The following AFAP1 variants were observed in gnomAD, a reference collection of about 807,000 sequenced individuals.
The protein encoded by AFAP1 is actin filament associated protein 1.
A neutral mutation model predicts 93.9 loss-of-function variants in AFAP1; 75 were observed. That is an observed-to-expected ratio of 0.80 (90% confidence interval 0.66 to 0.97). The LOEUF (loss-of-function observed/expected upper bound fraction) is 0.97. Among genes scored for constraint, AFAP1 ranks in the 50% least tolerant of loss-of-function variants. AFAP1 has a pLI of 0.00. For missense variants in AFAP1, 1,201 were observed against 1,050.8 expected (o/e 1.14, Z -1.98); for synonymous variants, 517 against 430.7 (o/e 1.20, Z -2.48).
In AFAP1 at chr4:7,855,587, G is replaced by A; in HGVS notation, c.226-13C>T. On this transcript the variant is annotated splice_polypyrimidine_tract_variant and intron_variant, in intron 3 of 17. Transcript: ENST00000420658. Reference sequence around the variant, plus strand: ...CACTGTCAGGAGGCTGAGGAAGAAAGGAAAAGTGACACAGAAATTAGCATG... The same window carrying A: ...CACTGTCAGGAGGCTGAGGAAGAAAAGAAAAGTGACACAGAAATTAGCATG... 1 of 1,586,862 alleles carries A rather than the reference G, an allele frequency of 6.3e-7. No individual in the cohort carries two copies. The highest frequency in any genetic ancestry group is 8.7e-7 in the Non-Finnish European group (1 of 1,155,434).
intron 1 of AFAP1, among the ~76,000 whole-genome samples, chr4:7,933,450 G>C (rs1246258062): frequency 6.6e-6 from 1 of 152,166 alleles, no homozygotes; most frequent in Non-Finnish European, 1.5e-5. Context: ...GCAAGCACCT[G>C]TAATCCCAGC....
In AFAP1 at chr4:7,921,315, C is replaced by T. The variant is rs909964078; in HGVS notation, c.-3+18341G>A. ...TCTCCTGCCTCAGCCTCCTGGGTAGCTGGGATTACAGGCGCCCGCCACCAC... is the reference window on the plus strand; with the variant it reads ...TCTCCTGCCTCAGCCTCCTGGGTAGTTGGGATTACAGGCGCCCGCCACCAC... On this transcript the variant is annotated intron_variant, in intron 1 of 17. Transcript: ENST00000420658. Among the ~76,000 whole-genome samples the T allele has an allele frequency of 6.0e-5, 9 of 149,994 alleles. No individual in the cohort carries two copies. The East Asian group carries it at 1.8e-3, about 30-fold the overall frequency.
At chr4:7,845,957 T>C (rs1713643699) in intron 4 of AFAP1, among the ~76,000 whole-genome samples, 1 of 152,108 alleles carries the variant, frequency 6.6e-6, no homozygotes, top group Non-Finnish European at 1.5e-5. Context: ...GGGCAGCATA[T>C]GCAGGGGCAC....
At chr4:7,865,542 C>G (rs1450504743) in intron 3 of AFAP1, among the ~76,000 whole-genome samples, 1 of 152,146 alleles carries the variant, frequency 6.6e-6, no homozygotes, top group African/African-American at 2.4e-5. Context: ...CATTTTCCTA[C>G]CAAAGGCAGG....
intron 2 of AFAP1, among the ~76,000 whole-genome samples, chr4:7,869,721 C>T (rs1186008680): frequency 6.6e-6 from 1 of 152,184 alleles, no homozygotes; most frequent in Non-Finnish European, 1.5e-5. Flanking sequence ...GGGTCCAGTA[C>T]TACACTAGAG....
intron 6 of AFAP1, among the ~76,000 whole-genome samples, chr4:7,827,432 G>A (rs890777584): frequency 2.7e-4 from 41 of 151,772 alleles, no homozygotes; most frequent in African/African-American, 8.5e-4. Flanking sequence ...TTAGCTGCAG[G>A]TGGTGGCACA....
chr4:7,858,789 T>C (rs544090543), intron 3 of AFAP1, among the ~76,000 whole-genome samples: 1 of 152,132 alleles, frequency 6.6e-6, no homozygotes, highest in Non-Finnish European at 1.5e-5. Context: ...GGGCATCGCA[T>C]CAGAACAACC....
At chr4:7,833,735 C>T (rs1711913534) in intron 6 of AFAP1, among the ~76,000 whole-genome samples, 1 of 151,858 alleles carries the variant, frequency 6.6e-6, no homozygotes, top group Non-Finnish European at 1.5e-5. Flanking sequence ...ACTACAGGCA[C>T]GTGCCACCAT....
intron 11 of AFAP1, 130 bp downstream of exon 11, chr4:7,793,551 A>G (rs979502560): frequency 2.7e-6 from 3 of 1,099,048 alleles, no homozygotes; most frequent in South Asian, 7.1e-5. Flanking sequence ...TTGGCTTAAG[A>G]TAATGCAAAA....
chr4:7,916,289 T>C (rs1257941629), intron 1 of AFAP1, among the ~76,000 whole-genome samples: 3 of 152,144 alleles, frequency 2.0e-5, no homozygotes, highest in Non-Finnish European at 4.4e-5. Flanking sequence ...CTTGCCAAAA[T>C]AGCAGAGAAA....
rs569644935 is a variant in AFAP1 at position 7,913,176 on chromosome 4, C to T, written c.-3+26480G>A. ...AGATGAAGCAGGAGAATCACTTGAA[C>T]CCAGGAATTCCAGACCAGCCTGAGC... On this transcript the variant is annotated intron_variant, in intron 1 of 17. Transcript: ENST00000420658. 5.9e-5 allele frequency among the ~76,000 whole-genome samples: 9 copies of T among 152,250 alleles called. 1 individual carries two copies. The East Asian group carries it at 1.4e-3, about 23-fold the overall frequency.
At chr4:7,843,711 C>G in intron 4 of AFAP1, 1 of 201,228 alleles carries the variant, frequency 5.0e-6, no homozygotes, top group Admixed American at 5.3e-5. Context: ...AACTCTTGCC[C>G]ATGGAGGTCC....
intron 13 of AFAP1, among the ~76,000 whole-genome samples, chr4:7,780,731 G>A (rs1251187411): frequency 2.0e-5 from 3 of 151,994 alleles, no homozygotes; most frequent in Non-Finnish European, 2.9e-5. Flanking sequence ...GCAATGGACA[G>A]TAGTTCAACA....
At chr4:7,805,203 G>A (rs781667387) in intron 9 of AFAP1, among the ~76,000 whole-genome samples, 29 of 152,136 alleles carry the variant, frequency 1.9e-4, no homozygotes, top group Non-Finnish European at 4.0e-4. Flanking sequence ...GCCTGGCTTC[G>A]TCTACTTTTC....
chr4:7,849,638 T>G (rs1472652334), intron 4 of AFAP1, among the ~76,000 whole-genome samples: 1 of 152,178 alleles, frequency 6.6e-6, no homozygotes, highest in African/African-American at 2.4e-5. Context: ...TTCATAAGAA[T>G]GATGATGGTG....
Position 7,804,132 on chromosome 4 carries a change from GA to G in AFAP1, c.1055-3480del, listed in dbSNP as rs543743029. Among the ~76,000 whole-genome samples the G allele has an allele frequency of 4.0e-4, 61 of 151,574 alleles. No individual in the cohort carries two copies. The South Asian group carries it at 5.9e-3, about 15-fold the overall frequency. ...ATCTGACACCTCTAGCCTGGCTGAT[GA>G]AATCAGTGCTGACCCGGACCCCAAG... On this transcript the variant is annotated intron_variant, in intron 9 of 17. Transcript: ENST00000420658.
At chr4:7,765,789 G>A (rs1322920376) in intron 17 of AFAP1, among the ~76,000 whole-genome samples, 3 of 152,206 alleles carry the variant, frequency 2.0e-5, no homozygotes, top group Non-Finnish European at 2.9e-5. Flanking sequence ...AGGGGCCTTG[G>A]AGAGGTTGCT....
chr4:7,819,201 T>G (rs138259433), intron 6 of AFAP1, 30 bp from the exon 7 acceptor site: 2 of 1,577,014 alleles, frequency 1.3e-6, no homozygotes, highest in Non-Finnish European at 1.7e-6. Context: ...TTTGTGAGTA[T>G]GCCCAAAGGC....
chr4:7,868,174 A>G (rs542661430), intron 3 of AFAP1, among the ~76,000 whole-genome samples: 35 of 152,298 alleles, frequency 2.3e-4, no homozygotes, highest in African/African-American at 7.7e-4. Flanking sequence ...TCTCTCTTGG[A>G]AACAATATGG....
Sources: allele counts gnomAD v4.1 joint callset (sites outside exome capture counted in the v4.1 genomes callset), GRCh38; gene constraint gnomAD v4.1.1; transcripts MANE v1.5; gene names NCBI Gene and HGNC (gene_info 2026-07-23, HGNC 2026-07-21).